Variants in MYO10 observed in about 807,000 individuals in gnomAD.
MYO10 encodes the protein unconventional myosin-X.
A neutral mutation model predicts 257.3 loss-of-function variants in MYO10; 133 were observed. The observed-to-expected ratio is 0.52, with a 90% CI of 0.45 to 0.60. The LOEUF is 0.60. Ranked by LOEUF, MYO10 falls within the 20% of genes least tolerant of loss-of-function variation. The probability of loss-of-function intolerance (pLI) is 0.00; values close to 1 mark genes in which losing one functional copy is unlikely to be tolerated. For missense variants in MYO10, 2,399 were observed against 2,635.7 expected (o/e 0.91, Z 1.97); for synonymous variants, 1,104 against 1,028.6 (o/e 1.07, Z -1.40).
intron 3 of MYO10, among the ~76,000 whole-genome samples, chr5:16,808,239 G>A (rs980487829): frequency 6.6e-6 from 1 of 152,164 alleles, no homozygotes; most frequent in South Asian, 2.1e-4. Context: ...CAGGTGGGAG[G>A]ATCGCTTGAG....
chr5:16,889,189 T>A (rs201163914), intron 1 of MYO10, among the ~76,000 whole-genome samples: 3,998 of 59,038 alleles, frequency 0.068, 67 homozygotes, highest in African/African-American at 0.086. Context: ...TAAAAAAATT[T>A]AAAAAAAAAA....
At chr5:16,823,187 A>G (rs1250786608) in intron 2 of MYO10, among the ~76,000 whole-genome samples, 1 of 147,784 alleles carries the variant, frequency 6.8e-6, no homozygotes, top group Admixed American at 6.8e-5. Context: ...CACGCCTGTA[A>G]TCCCAGCACT....
At chr5:16,770,593 T>G (rs761319895) in intron 9 of MYO10, among the ~76,000 whole-genome samples, 3 of 152,012 alleles carry the variant, frequency 2.0e-5, no homozygotes, top group Non-Finnish European at 2.9e-5. Flanking sequence ...ACACACAAAC[T>G]TGGGGGCAGA....
Position 16,782,280 on chromosome 5 carries a change from G to T in MYO10, c.603-451C>A, listed in dbSNP as rs550459485. Among the ~76,000 whole-genome samples the T allele has an allele frequency of 1.1e-4, 16 of 152,112 alleles. 1 individual carries two copies. The highest frequency in any genetic ancestry group is 8.5e-4 in the Admixed American group (13 of 15,262). ...ATGGAGTCTGACTAGATCAGGGGCC[G>T]GCAAACTTTTTCTGGAAAGGACCAG... On this transcript the variant is annotated intron_variant, in intron 5 of 40. Transcript: ENST00000513610.
intron 4 of MYO10, among the ~76,000 whole-genome samples, chr5:16,792,585 GGGGGC>G (rs1553996752): frequency 0.093 from 5,803 of 62,368 alleles, 389 homozygotes; most frequent in African/African-American, 0.19. Flanking sequence ...CACAGGAGCG[GGGGGC>G]GGGGGGCTGC....
chr5:16,922,002 G>A (rs546461571), intron 1 of MYO10, among the ~76,000 whole-genome samples: 1 of 152,112 alleles, frequency 6.6e-6, no homozygotes, highest in South Asian at 2.1e-4. Flanking sequence ...ATCACCTGAG[G>A]TCAGGAGTTC....
At chr5:16,773,289 A>G (rs555219359) in intron 9 of MYO10, among the ~76,000 whole-genome samples, 3 of 152,330 alleles carry the variant, frequency 2.0e-5, no homozygotes, top group Non-Finnish European at 4.4e-5. Flanking sequence ...CGGTTAAGAA[A>G]TACAAATAAT....
At chr5:16,883,500 G>T (rs538040698) in intron 1 of MYO10, among the ~76,000 whole-genome samples, 10 of 152,262 alleles carry the variant, frequency 6.6e-5, no homozygotes, top group Non-Finnish European at 1.3e-4. Flanking sequence ...ATTGTACCAT[G>T]GTGTCATTGT....
intron 19 of MYO10, among the ~76,000 whole-genome samples, chr5:16,720,022 GTATA>G (rs1554039284): frequency 4.9e-5 from 7 of 142,130 alleles, no homozygotes; most frequent in Admixed American, 6.8e-5. Flanking sequence ...GTGTGTGTGT[GTATA>G]TGTATGTATG....
At chr5:16,791,801 T>A (rs780317920) in intron 4 of MYO10, among the ~76,000 whole-genome samples, 17 of 152,334 alleles carry the variant, frequency 1.1e-4, no homozygotes, top group Non-Finnish European at 1.8e-4. Context: ...GAAATAATGA[T>A]CTTTAAATTC....
intron 1 of MYO10, among the ~76,000 whole-genome samples, chr5:16,925,124 C>A (rs557690658): frequency 2.0e-5 from 3 of 151,998 alleles, no homozygotes; most frequent in Admixed American, 2.0e-4. Flanking sequence ...AGCCACTGCA[C>A]CCGGCCTATC....
chr5:16,895,214 C>G (rs903392457), intron 1 of MYO10, among the ~76,000 whole-genome samples: 1 of 152,212 alleles, frequency 6.6e-6, no homozygotes, highest in Non-Finnish European at 1.5e-5. Flanking sequence ...GTTTGAAAGG[C>G]CTTCAGTCAC....
In MYO10 at chr5:16,772,943, G is replaced by A. The variant is rs533818502; in HGVS notation, c.931-3740C>T. On this transcript the variant is annotated intron_variant, in intron 9 of 40. Coordinates refer to ENST00000513610, the MANE Select transcript of MYO10 (RefSeq NM_012334.3). ...GGGGGTTGGGATTGCCTGGGAAGGG[G>A]CACAGAGAAACTTTTGGGGCAGAGG... 5.3e-5 allele frequency among the ~76,000 whole-genome samples: 8 copies of A among 152,252 alleles called. No individual in the cohort carries two copies. In the South Asian group the frequency reaches 1.2e-3, roughly 24 times the overall value.
At chr5:16,774,547 G>A (rs185256643) in intron 9 of MYO10, among the ~76,000 whole-genome samples, 2,569 of 151,658 alleles carry the variant, frequency 0.017, 72 homozygotes, top group African/African-American at 0.059. Context: ...TCAGGCTCCC[G>A]AGTAGCTGGG....
In MYO10 at chr5:16,748,637, G is replaced by GGAGA. The variant is rs796842836; in HGVS notation, c.1929+6190_1929+6191insTCTC. Among the ~76,000 whole-genome samples, 926 of 150,704 alleles carry GGAGA rather than the reference G, an allele frequency of 6.1e-3. 9 individuals carry two copies. Among genetic ancestry groups the GGAGA allele is most frequent in the African/African-American group, 0.021 (883 of 41,100 alleles). On this transcript the variant is annotated intron_variant, in intron 19 of 40. Transcript: ENST00000513610. ...GAGAGGGAGAGAGGGAGGGAGGGAG[G>GGAGA]GAGGGAGAAATAGCAGGCAGCACCT...
chr5:16,889,650 T>C (rs1484049437), intron 1 of MYO10, among the ~76,000 whole-genome samples: 1 of 151,740 alleles, frequency 6.6e-6, no homozygotes, highest in Non-Finnish European at 1.5e-5. Context: ...TGTATAAAAC[T>C]GTCCCACTAA....
At chr5:16,848,155 C>CTTTTTTTTTTTTTTTCTTTT (rs1554002459) in intron 2 of MYO10, among the ~76,000 whole-genome samples, 3 of 113,566 alleles carry the variant, frequency 2.6e-5, no homozygotes, top group African/African-American at 7.5e-5. Context: ...CTACACATTT[C>CTTTTTTTTTTTTTTTCTTTT]TTTTTTTTTT....
At chr5:16,823,589 A>G (rs922809612) in intron 2 of MYO10, among the ~76,000 whole-genome samples, 5 of 144,066 alleles carry the variant, frequency 3.5e-5, no homozygotes, top group Non-Finnish European at 6.0e-5. Flanking sequence ...CTCCTGCCTC[A>G]GCCTCCCGAG....
In MYO10 at chr5:16,919,089, C is replaced by T. The variant is rs945615402; in HGVS notation, c.21+16699G>A. ...TATTCTTCCGACTTCAAAAGCCTACCAGAACGGCCAGGAGTGATAGCTCAC... is the reference window on the plus strand; with the variant it reads ...TATTCTTCCGACTTCAAAAGCCTACTAGAACGGCCAGGAGTGATAGCTCAC... On this transcript the variant is annotated intron_variant, in intron 1 of 40. Transcript: ENST00000513610. 5.3e-5 allele frequency among the ~76,000 whole-genome samples: 8 copies of T among 152,024 alleles called. 1 individual carries two copies. The highest frequency in any genetic ancestry group is 5.2e-4 in the Admixed American group (8 of 15,252).
Sources: gnomAD v4.1 joint callset for allele counts (sites outside exome capture counted in the v4.1 genomes callset) on GRCh38, gnomAD v4.1.1 for gene constraint, MANE v1.5 for transcripts, NCBI Gene and HGNC (gene_info 2026-07-23, HGNC 2026-07-21) for gene names.